The following C7 variants were observed in gnomAD, a reference collection of about 807,000 sequenced individuals.
C7 encodes the protein complement C7.
A neutral mutation model predicts 104.8 loss-of-function variants in C7; 83 were observed. The observed-to-expected ratio is 0.79, with a 90% CI of 0.66 to 0.95. The LOEUF is 0.95. Among genes scored for constraint, C7 ranks in the 40% least tolerant of loss-of-function variants. The pLI, the probability that C7 is intolerant of heterozygous loss-of-function variation, is 0.00. For missense variants in C7, 1,070 were observed against 1,011.2 expected (o/e 1.06, Z -0.79); for synonymous variants, 415 against 360.6 (o/e 1.15, Z -1.71).
chr5:40,972,593 A>G lies in C7; in HGVS notation c.2073A>G (p.Lys691=), dbSNP rs186028395. The change falls in exon 15 of 18, where the codon AAA becomes AAG. Residue 691 remains lysine, a splice_region_variant and synonymous_variant. Transcript: ENST00000313164. The stretch of plus-strand genomic sequence containing the variant: ...TGAAGAATGCCCGCTGTGTACAAAA[A>G]GGTGAGTGGCTTCCATGTCTATCCA... ...PEMKNARCVQ[K]ENPLTQAVPK... 1.3e-6 allele frequency: 2 copies of G among 1,588,102 alleles called. No individual in the cohort carries two copies. The highest frequency in any genetic ancestry group is 1.3e-5 in the African/African-American group (1 of 74,106).
At chr5:40,918,647 A>G (rs899144139) in intron 1 of C7, among the ~76,000 whole-genome samples, 17 of 151,588 alleles carry the variant, frequency 1.1e-4, no homozygotes, top group African/African-American at 3.9e-4. Flanking sequence ...AGGGATAACT[A>G]TACTTATATA....
rs549568139 is a variant in C7, at chr5:40,936,346, A to C, written c.289A>C (p.Ile97Leu). ...ERFRCFSGQCISKSLVCNGDS... is the reference protein window; with the variant it reads ...ERFRCFSGQCLSKSLVCNGDS... ...ATTTCTCTGGTGTTCAGGTCAGTGC[A>C]TCAGCAAATCATTGGTTTGCAATGG... Residue 97 changes from isoleucine to leucine, a missense_variant, in exon 5 of 18, where the codon ATC (isoleucine) becomes CTC (leucine). Transcript: ENST00000313164. 2 of 1,613,288 alleles carry C rather than the reference A, an allele frequency of 1.2e-6. No homozygotes were observed. Among genetic ancestry groups the C allele is most frequent in the South Asian group, 1.1e-5 (1 of 91,052 alleles).
intron 2 of C7, among the ~76,000 whole-genome samples, chr5:40,930,244 C>T (rs1421467746): frequency 7.2e-6 from 1 of 138,564 alleles, no homozygotes; most frequent in Non-Finnish European, 1.5e-5. Context: ...CGCCCTCTGT[C>T]ACCCAGGCTG....
intron 8 of C7, among the ~76,000 whole-genome samples, 154 bp from the exon 9 acceptor site, chr5:40,949,750 G>T (rs943224708): frequency 2.6e-5 from 4 of 152,086 alleles, no homozygotes; most frequent in African/African-American, 9.7e-5. Flanking sequence ...TCTGATCTTT[G>T]ACTCTTCTAG....
intron 14 of C7, among the ~76,000 whole-genome samples, chr5:40,967,107 C>A (rs1327931317): frequency 6.7e-6 from 1 of 150,026 alleles, no homozygotes; most frequent in Non-Finnish European, 1.5e-5. Context: ...TTGCTTATCG[C>A]CAGGCTGGAG....
Position 40,949,910 on chromosome 5 carries a change from A to G in C7, c.989A>G (p.Asn330Ser), listed in dbSNP as rs1740130733. ...TTTACATTTTCTCCCCTAGATTTTA[A>G]TTCAGTCGAAGAAAAGAAATGTAAA... ...DSEKLKQNDF[N>S]SVEEKKCKSS... Residue 330 changes from asparagine (N) to serine (S), a missense_variant, in exon 9 of 18, where the codon AAT becomes AGT. Coordinates refer to ENST00000313164, the MANE Select transcript of C7 (RefSeq NM_000587.4). The G allele has an allele frequency of 6.4e-7, 1 of 1,572,848 alleles. No individual in the cohort carries two copies.
At chr5:40,972,212 T>C in intron 14 of C7, 191 bp from the exon 15 acceptor site, 1 of 612,536 alleles carries the variant, frequency 1.6e-6, no homozygotes, top group South Asian at 2.0e-5. Flanking sequence ...TTTTTAGATA[T>C]TCATGGGTCA....
At chr5:40,981,296 C>T (rs41271065) in intron 17 of C7, 96 bp from the exon 18 acceptor site, 274,210 of 1,185,532 alleles carry the variant, frequency 0.23, 33,548 homozygotes, top group African/African-American at 0.37. Flanking sequence ...GGAGCTTCTA[C>T]AGCTCTGATC....
intron 17 of C7, among the ~76,000 whole-genome samples, chr5:40,981,075 T>A (rs1457150478): frequency 6.6e-6 from 1 of 152,204 alleles, no homozygotes; most frequent in Non-Finnish European, 1.5e-5. Flanking sequence ...GGCTTCTCAT[T>A]TGACCTCAGT....
intron 5 of C7, among the ~76,000 whole-genome samples, chr5:40,937,023 A>T (rs1739832002): frequency 6.6e-6 from 1 of 152,134 alleles, no homozygotes; most frequent in African/African-American, 2.4e-5. Flanking sequence ...TAAGGGTCAT[A>T]TGACTTGTTA....
At chr5:40,910,791 C>CA (rs35542606) in intron 1 of C7, among the ~76,000 whole-genome samples, 23,896 of 88,038 alleles carry the variant, frequency 0.27, 2,374 homozygotes, top group East Asian at 0.42. Context: ...GACTCTCTCT[C>CA]AAAAAAAAAA....
chr5:40,951,467 G>A (rs1342587692), intron 9 of C7, among the ~76,000 whole-genome samples: 1 of 152,142 alleles, frequency 6.6e-6, no homozygotes, highest in East Asian at 1.9e-4. Context: ...CTGCTAGAGA[G>A]GGGAGGAAGG....
At chr5:40,974,566 C>T (rs1740773667) in intron 15 of C7, among the ~76,000 whole-genome samples, 1 of 152,024 alleles carries the variant, frequency 6.6e-6, no homozygotes, top group South Asian at 2.1e-4. Context: ...CAGGTGCTCG[C>T]CACCATGCCC....
chr5:40,913,265 C>T (rs1269202030), intron 1 of C7, among the ~76,000 whole-genome samples: 2 of 152,106 alleles, frequency 1.3e-5, no homozygotes, highest in African/African-American at 4.8e-5. Flanking sequence ...GATAAACATA[C>T]GAGTACGGGT....
chr5:40,956,427 G>A (rs2111658049), intron 10 of C7, among the ~76,000 whole-genome samples: 1 of 152,350 alleles, frequency 6.6e-6, no homozygotes, highest in East Asian at 1.9e-4. Context: ...GAGTGTGTGT[G>A]TGTGTCAACG....
intron 6 of C7, among the ~76,000 whole-genome samples, chr5:40,940,066 G>A (rs963838071): frequency 2.0e-5 from 3 of 152,176 alleles, no homozygotes; most frequent in Admixed American, 6.5e-5. Flanking sequence ...GTGTGGACGC[G>A]GAGGTGGTGA....
At chr5:40,967,846 A>C (rs1017161074) in intron 14 of C7, 6 of 152,354 alleles carry the variant, frequency 3.9e-5, no homozygotes, top group African/African-American at 7.2e-5. Flanking sequence ...GGTATTATTA[A>C]TTGTTTTTTG....
intron 10 of C7, among the ~76,000 whole-genome samples, chr5:40,956,418 A>G (rs1232074005): frequency 6.6e-6 from 1 of 151,870 alleles, no homozygotes; most frequent in Non-Finnish European, 1.5e-5. Flanking sequence ...GGGGTGTGTG[A>G]GTGTGTGTGT....
At position 40,981,543 on chromosome 5, in the gene C7, C is replaced by T. The variant is rs369554970; in HGVS notation, c.2502C>T (p.Ser834=). The T allele has an allele frequency of 1.2e-6, 2 of 1,613,274 alleles. 1 individual carries two copies. Among genetic ancestry groups the T allele is most frequent in the Middle Eastern group, 3.3e-4 (2 of 6,056 alleles). ...GAGGGCAGAGCATCTCTGTCACCAG[C>T]ATAAGGCCTTGTGCTGCGGAAACCC... ...RCRGQSISVT[S]IRPCAAETQ is the part of the protein sequence containing the mutation. Residue 834 remains serine (S), a synonymous_variant, in exon 18 of 18, where the codon AGC becomes AGT. Transcript: ENST00000313164.
Sources: allele counts gnomAD v4.1 joint callset (sites outside exome capture counted in the v4.1 genomes callset), GRCh38; gene constraint gnomAD v4.1.1; transcripts MANE v1.5; gene names NCBI Gene and HGNC (gene_info 2026-07-23, HGNC 2026-07-21).